Variants in ZC3H12A observed in about 807,000 individuals in gnomAD.
ZC3H12A encodes zinc finger CCCH-type containing 12A, also known as endoribonuclease ZC3H12A.
In ZC3H12A, 9 loss-of-function variants were observed where a neutral mutation model predicts 29.9. The observed-to-expected ratio is 0.30, with a 90% confidence interval of 0.18 to 0.53. The LOEUF is 0.53. ZC3H12A is among the 20% of genes least tolerant of loss of function. The probability of loss-of-function intolerance (pLI) is 0.96; values close to 1 mark genes in which losing one functional copy is unlikely to be tolerated. For synonymous variants in ZC3H12A, 323 were observed against 338.1 expected (o/e 0.96, Z 0.49); for missense variants, 617 against 799.0 (o/e 0.77, Z 2.75).
In ZC3H12A at chr1:37,483,276, C is replaced by A. The variant is rs113655247; in HGVS notation, c.1465C>A (p.Arg489=). 1.2e-6 allele frequency: 2 copies of A among 1,614,054 alleles called. No individual in the cohort carries two copies. Among genetic ancestry groups the A allele is most frequent in the Admixed American group, 1.7e-5 (1 of 60,032 alleles). The change falls in exon 6 of 6, where the codon CGG becomes AGG. Residue 489 remains arginine (R), a synonymous_variant. Coordinates refer to ENST00000373087, the MANE Select transcript of ZC3H12A (RefSeq NM_025079.3). ...CACCGCAGCCTTCTCTGCCTTTGGC[C>A]GGGCCATGGGTGCTGGCCACTTCAG... The part of the protein sequence containing the change: ...PATAAFSAFG[R]AMGAGHFSVP...
rs768452358 is a variant in ZC3H12A at position 37,481,670 on chromosome 1, G to GCAAGC, written c.654_658dup (p.Arg220ProfsTer13). ...TTCACACCATCACGACGCGTGGGTG[G>GCAAGC]CAAGCGGGTGGTGTGCTATGACGAC... is the stretch of plus-strand genomic sequence containing the variant. On this transcript the variant is annotated frameshift_variant, in exon 4 of 6. Transcript: ENST00000373087. LOFTEE classifies it high-confidence loss of function. 1 of 1,614,246 alleles carries GCAAGC rather than the reference G, an allele frequency of 6.2e-7. No individual in the cohort carries two copies. Among genetic ancestry groups the GCAAGC allele is most frequent in the Non-Finnish European group, 8.5e-7 (1 of 1,180,028 alleles).
In ZC3H12A at chr1:37,483,944, G is replaced by A. The variant is rs1465981517; in HGVS notation, c.*333G>A. ...TTTTCTCTCAGAGGGTGGGGAGGGA[G>A]GTGGGGGCAGCAGAGGCCTGGGCTG... On this transcript the variant is annotated 3_prime_UTR_variant, in exon 6 of 6. Transcript: ENST00000373087. The A allele has an allele frequency of 1.5e-5, 4 of 268,050 alleles. No individual in the cohort carries two copies. The highest frequency in any genetic ancestry group is 8.6e-5 in the African/African-American group (4 of 46,254). The allele number at this position is 268,050 out of a possible 1,614,324, so 16.6% of individuals were successfully genotyped here.
In ZC3H12A at chr1:37,479,471, C is replaced by T. The variant is rs1641655720; in HGVS notation, c.444-819C>T. 1 of 985,446 alleles carries T rather than the reference C, an allele frequency of 1.0e-6. No homozygotes were observed. The highest frequency in any genetic ancestry group is 6.1e-5 in the Admixed American group (1 of 16,286). 61.0% of individuals were successfully genotyped at this position (985,446 alleles called of 1,614,324 possible). A position where few individuals can be genotyped will look rare whatever the true frequency, so the allele number is the denominator to read the frequency against. The stretch of plus-strand genomic sequence containing the variant: ...GGCGCGGCCTCGTCTGAGACCAAGG[C>T]AGGGCCCATGCCTTACTCAGCTGTC... On this transcript the variant is annotated intron_variant, in intron 2 of 5. Coordinates refer to ENST00000373087, the MANE Select transcript of ZC3H12A (RefSeq NM_025079.3). The surrounding 1 kb of genome is among the most constrained non-coding windows in gnomAD (Gnocchi z 4.5).
chr1:37,480,132 G>A (rs1641672935), intron 2 of ZC3H12A, 158 bp from the exon 3 acceptor site: 1 of 1,356,922 alleles, frequency 7.4e-7, no homozygotes. Context: ...CCTGGGGAAA[G>A]GGGAAGGGGC....
chr1:37,479,050 C>T lies in ZC3H12A; in HGVS notation c.444-1240C>T, dbSNP rs1641646690. The T allele has an allele frequency of 4.1e-6, 4 of 985,352 alleles. No individual in the cohort carries two copies. In the South Asian group the frequency reaches 1.9e-4, roughly 46 times the overall value. 61.0% of individuals were successfully genotyped at this position (985,352 alleles called of 1,614,324 possible). A position where few individuals can be genotyped will look rare whatever the true frequency, so the allele number is the denominator to read the frequency against. On this transcript the variant is annotated intron_variant, in intron 2 of 5. Transcript: ENST00000373087. The surrounding 1 kb of genome is among the most constrained non-coding windows in gnomAD (Gnocchi z 4.5). ...TCCAGCTATCACCCCTTACCTCCCCCACTCCCATTAAAGACACCCACAGGA... is the reference window on the plus strand; with the variant it reads ...TCCAGCTATCACCCCTTACCTCCCCTACTCCCATTAAAGACACCCACAGGA...
rs1486689325 is a variant in ZC3H12A at position 37,483,381 on chromosome 1, C to T, written c.1570C>T (p.Pro524Ser). The T allele has an allele frequency of 2.5e-6, 4 of 1,614,140 alleles. No individual in the cohort carries two copies. Among genetic ancestry groups the T allele is most frequent in the Admixed American group, 3.3e-5 (2 of 60,026 alleles). Residue 524 changes from proline (P) to serine (S), a missense_variant, in exon 6 of 6, where the codon CCC becomes TCC. Physicochemically the swap from Pro to Ser is moderately conservative, Grantham distance 74 (BLOSUM62 -1). Around this residue, in one of 5 missense-constraint regions of ZC3H12A, gnomAD observed 172 missense variants for 203.1 expected, o/e 0.85. Transcript: ENST00000373087. ...YWSEPYPLPP[P>S]TSVLQEPPVQ... ...GTCTGAACCATACCCACTGCCCCCA[C>T]CCACATCAGTCCTTCAGGAGCCCCC...
Position 37,478,041 on chromosome 1 carries a change from A to G in ZC3H12A, c.443+2102A>G, listed in dbSNP as rs1641625392. ...TGCTCCAAGATACTAGCCTAGGATC[A>G]TGTGCCCGGAGGGAGGCAGGTGGGC... is the stretch of plus-strand genomic sequence containing the variant. On this transcript the variant is annotated intron_variant, in intron 2 of 5. Transcript: ENST00000373087. This position sits in a 1 kb window ranked among gnomAD's most constrained non-coding sequence, Gnocchi z 5.2. Among the ~76,000 whole-genome samples, 1 of 152,228 alleles carries G rather than the reference A, an allele frequency of 6.6e-6. No individual in the cohort carries two copies. The highest frequency in any genetic ancestry group is 1.5e-5 in the Non-Finnish European group (1 of 68,040).
chr1:37,482,564 C>CCGGCCCTCCT (rs776325499), intron 5 of ZC3H12A, 24 bp downstream of exon 5: 1 of 1,612,964 alleles, frequency 6.2e-7, no homozygotes, highest in Non-Finnish European at 8.5e-7. Context: ...CCTGCCCTCC[C>CCGGCCCTCCT]CGGCCCTCCT....
At chr1:37,481,043 G>C (rs1195472202) in intron 3 of ZC3H12A, among the ~76,000 whole-genome samples, 3 of 152,164 alleles carry the variant, frequency 2.0e-5, no homozygotes, top group Non-Finnish European at 4.4e-5. Context: ...TTGAGATCTG[G>C]GGGCAGCCTG....
rs1641646429 is a variant in ZC3H12A, at chr1:37,479,036, C to A, written c.444-1254C>A. 1.0e-6 allele frequency: 1 copy of A among 985,228 alleles called. No homozygotes were observed. Among genetic ancestry groups the A allele is most frequent in the Non-Finnish European group, 1.2e-6 (1 of 829,928 alleles). The allele number at this position is 985,228 out of a possible 1,614,324, so 61.0% of individuals were successfully genotyped here. A position where few individuals can be genotyped will look rare whatever the true frequency, so the allele number is the denominator to read the frequency against. On this transcript the variant is annotated intron_variant, in intron 2 of 5. Coordinates refer to ENST00000373087, the MANE Select transcript of ZC3H12A (RefSeq NM_025079.3). The surrounding 1 kb of genome is among the most constrained non-coding windows in gnomAD (Gnocchi z 4.5). ...GCTTCTCTTAGGGCTCCAGCTATCA[C>A]CCCTTACCTCCCCCACTCCCATTAA...
chr1:37,480,275 T>A lies in ZC3H12A; in HGVS notation c.444-15T>A. 1 of 1,609,520 alleles carries A rather than the reference T, an allele frequency of 6.2e-7. No individual in the cohort carries two copies. The highest frequency in any genetic ancestry group is 8.5e-7 in the Non-Finnish European group (1 of 1,177,372). ...TGGCCATCAGTGTGGGCTAACCCTG[T>A]CCTCTCCCTCCCAGCCATGGGAACA... On this transcript the variant is annotated splice_polypyrimidine_tract_variant and intron_variant, in intron 2 of 5. Coordinates refer to ENST00000373087, the MANE Select transcript of ZC3H12A (RefSeq NM_025079.3).
rs1487337393 is a variant in ZC3H12A at position 37,476,684 on chromosome 1, G to A, written c.443+745G>A. On this transcript the variant is annotated intron_variant, in intron 2 of 5. Transcript: ENST00000373087. This position sits in a 1 kb window ranked among gnomAD's most constrained non-coding sequence, Gnocchi z 6.0. ...CCCCAGCACAGGAATGGGGTGGGGA[G>A]GTAGGGGCAGAGAGGGAAGCCAGGG... Among the ~76,000 whole-genome samples the A allele has an allele frequency of 6.6e-6, 1 of 152,200 alleles. No individual in the cohort carries two copies. The highest frequency in any genetic ancestry group is 1.5e-5 in the Non-Finnish European group (1 of 68,030).
At position 37,483,854 on chromosome 1, in the gene ZC3H12A, ATC is replaced by A. The variant is rs1374705558; in HGVS notation, c.*247_*248del. ...CGATCACCCTGTTGATACACATTGTATCTCTGTAGTTTAAGGAGACGCTGCCG... is the reference window on the plus strand; with the variant it reads ...CGATCACCCTGTTGATACACATTGTATCTGTAGTTTAAGGAGACGCTGCCG... On this transcript the variant is annotated 3_prime_UTR_variant, in exon 6 of 6. Coordinates refer to ENST00000373087, the MANE Select transcript of ZC3H12A (RefSeq NM_025079.3). 2.3e-5 allele frequency: 12 copies of A among 528,602 alleles called. No homozygotes were observed. Among genetic ancestry groups the A allele is most frequent in the Non-Finnish European group, 3.0e-5 (9 of 302,200 alleles). The allele number at this position is 528,602 out of a possible 1,614,324, so 32.7% of individuals were successfully genotyped here.
chr1:37,475,538 C>G lies in ZC3H12A; in HGVS notation c.42C>G (p.Ser14Arg). ...PCGEKPVLEA[S>R]PTMSLWEFED... The stretch of plus-strand genomic sequence containing the variant: ...GAGAGAAGCCTGTCCTGGAAGCCAG[C>G]CCCACCATGAGTCTGTGGGAATTTG... The change falls in exon 2 of 6, where the codon AGC becomes AGG. Residue 14 changes from serine to arginine, a missense_variant. By Grantham distance (110) the Ser-to-Arg change is moderately radical (BLOSUM62 -1). Around this residue, in one of 5 missense-constraint regions of ZC3H12A, gnomAD observed 67 missense variants for 56.2 expected, o/e 1.19. Coordinates refer to ENST00000373087, the MANE Select transcript of ZC3H12A (RefSeq NM_025079.3). The surrounding 1 kb of genome is among the most constrained non-coding windows in gnomAD (Gnocchi z 5.2). The G allele has an allele frequency of 6.2e-7, 1 of 1,612,840 alleles. No individual in the cohort carries two copies. The highest frequency in any genetic ancestry group is 8.5e-7 in the Non-Finnish European group (1 of 1,179,508).
At position 37,484,073 on chromosome 1, in the gene ZC3H12A, C is replaced by A. The variant is rs1641776799; in HGVS notation, c.*462C>A. ...CTGCCCTCCAAGGGCCTCCTCTACG[C>A]CAATGAGGCCTCATCTGTGCTCTCG... On this transcript the variant is annotated 3_prime_UTR_variant, in exon 6 of 6. Coordinates refer to ENST00000373087, the MANE Select transcript of ZC3H12A (RefSeq NM_025079.3). 6.1e-6 allele frequency: 1 copy of A among 163,324 alleles called. No homozygotes were observed. Among genetic ancestry groups the A allele is most frequent in the Non-Finnish European group, 1.3e-5 (1 of 74,620 alleles). 10.1% of individuals were successfully genotyped at this position (163,324 alleles called of 1,614,324 possible).
Position 37,482,363 on chromosome 1 carries a change from C to G in ZC3H12A, c.819-71C>G, listed in dbSNP as rs139340200. 8.2e-3 allele frequency: 11,024 copies of G among 1,338,924 alleles called. 77 individuals carry two copies. Among genetic ancestry groups the G allele is most frequent in the East Asian group, 0.02 (866 of 43,412 alleles). The allele number at this position is 1,338,924 out of a possible 1,614,324, so 82.9% of individuals were successfully genotyped here. ...TATTCTTCCCAGCAAGGCTTGCCAT[C>G]GGCCCCTTCTCAGCAATTAGAAGTC... On this transcript the variant is annotated intron_variant, in intron 4 of 5. Coordinates refer to ENST00000373087, the MANE Select transcript of ZC3H12A (RefSeq NM_025079.3).
In ZC3H12A at chr1:37,482,470, G is replaced by A. The variant is rs142536124; in HGVS notation, c.855G>A (p.Gly285=). 6.1e-5 allele frequency: 99 copies of A among 1,614,062 alleles called. No homozygotes were observed. In the African/African-American group the frequency reaches 1.2e-3, roughly 19 times the overall value. ...CTGATGACCCACTGGGCCGGCACGG[G>A]CCCAGCCTGGACAACTTCCTGCGTA... ...MPPDDPLGRH[G]PSLDNFLRKK... is the part of the protein sequence containing the mutation. The change falls in exon 5 of 6, where the codon GGG becomes GGA. Residue 285 remains glycine (G), a synonymous_variant. Coordinates refer to ENST00000373087, the MANE Select transcript of ZC3H12A (RefSeq NM_025079.3).
Position 37,477,918 on chromosome 1 carries a change from T to G in ZC3H12A, c.443+1979T>G, listed in dbSNP as rs188822205. ...TCCATCTGCTGAGGGAATATTCAGG[T>G]GCTAGGGCTGCTGAGAACCGACTTG... On this transcript the variant is annotated intron_variant, in intron 2 of 5. Transcript: ENST00000373087. 5.2e-3 allele frequency among the ~76,000 whole-genome samples: 796 copies of G among 152,206 alleles called. 8 individuals carry two copies. Among genetic ancestry groups the G allele is most frequent in the African/African-American group, 0.018 (760 of 41,550 alleles).
At position 37,479,755 on chromosome 1, in the gene ZC3H12A, G is replaced by T. The variant is rs984492351; in HGVS notation, c.444-535G>T. The T allele has an allele frequency of 1.0e-6, 1 of 985,410 alleles. No individual in the cohort carries two copies. The highest frequency in any genetic ancestry group is 1.1e-4 in the East Asian group (1 of 8,806). The allele number at this position is 985,410 out of a possible 1,614,324, so 61.0% of individuals were successfully genotyped here. ...CTGAACTTTAATCCGGAACAATCTG[G>T]TTTCTCCTCGGTCAGCCCAGCCGGT... On this transcript the variant is annotated intron_variant, in intron 2 of 5. Coordinates refer to ENST00000373087, the MANE Select transcript of ZC3H12A (RefSeq NM_025079.3). This position sits in a 1 kb window ranked among gnomAD's most constrained non-coding sequence, Gnocchi z 4.5.
Sources: gnomAD v4.1 joint callset for allele counts (sites outside exome capture counted in the v4.1 genomes callset) on GRCh38, gnomAD v4.1.1 for gene constraint, gnomAD v4.1.1 regional missense constraint, Gnocchi (gnomAD v3.1) non-coding constraint, MANE v1.5 for transcripts, NCBI Gene and HGNC (gene_info 2026-07-23, HGNC 2026-07-21) for gene names.